The following TBXAS1 variants were observed in gnomAD, a reference collection of about 807,000 sequenced individuals.
TBXAS1 encodes the protein thromboxane-A synthase.
Under a neutral mutation model 60.7 loss-of-function variants are expected in TBXAS1, and 48 were observed. The observed-to-expected ratio is 0.79, with a 90% CI of 0.63 to 1.01. The LOEUF is 1.01. Ranked by LOEUF, TBXAS1 falls within the 50% of genes least tolerant of loss-of-function variation. The pLI is 0.00. For missense variants in TBXAS1, 685 were observed against 686.3 expected (o/e 1.00, Z 0.02); for synonymous variants, 287 against 269.7 (o/e 1.06, Z -0.63).
chr7:139,792,837 T>C (rs1239178945), intron 4 of TBXAS1, among the ~76,000 whole-genome samples: 29 of 152,220 alleles, frequency 1.9e-4, no homozygotes, highest in Admixed American at 1.9e-3. Flanking sequence ...AATGCACTTT[T>C]AAAGTCATAA....
At position 139,872,476 on chromosome 7, in the gene TBXAS1, G is replaced by A. The variant is rs573983110; in HGVS notation, c.183+148G>A. 60 of 710,194 alleles carry A rather than the reference G, an allele frequency of 8.4e-5. 1 individual carries two copies. The highest frequency in any genetic ancestry group is 4.6e-4 in the South Asian group (33 of 71,072). 44.0% of individuals were successfully genotyped at this position (710,194 alleles called of 1,614,324 possible). A position where few individuals can be genotyped will look rare whatever the true frequency, so the allele number is the denominator to read the frequency against. Reference sequence around the variant, plus strand: ...TCGAGACCAGCCTGACCAACATGGTGAAACCCCGTCTCTACTAAATACAAA... The same window carrying A: ...TCGAGACCAGCCTGACCAACATGGTAAAACCCCGTCTCTACTAAATACAAA... On this transcript the variant is annotated intron_variant, in intron 2 of 12. Coordinates refer to ENST00000448866, the MANE Select transcript of TBXAS1 (RefSeq NM_001061.7).
chr7:139,812,594 A>G (rs1413294718), intron 4 of TBXAS1, among the ~76,000 whole-genome samples: 2 of 152,236 alleles, frequency 1.3e-5, no homozygotes, highest in African/African-American at 4.8e-5. Flanking sequence ...ACCAGTATCA[A>G]AATGAGTTGA....
intron 1 of TBXAS1, among the ~76,000 whole-genome samples, chr7:139,848,575 G>T (rs1240340118): frequency 6.6e-6 from 1 of 152,212 alleles, no homozygotes; most frequent in Non-Finnish European, 1.5e-5. Flanking sequence ...GTGGGGTTTA[G>T]ATCTGCTCCA....
chr7:139,872,635 C>T (rs1035301686), intron 2 of TBXAS1, among the ~76,000 whole-genome samples: 2 of 152,032 alleles, frequency 1.3e-5, no homozygotes, highest in African/African-American at 4.8e-5. Context: ...GCCTGGGCAA[C>T]AAGAGCAAAA....
chr7:139,927,501 T>C (rs1806985853), intron 4 of TBXAS1, among the ~76,000 whole-genome samples: 1 of 152,130 alleles, frequency 6.6e-6, no homozygotes, highest in Non-Finnish European at 1.5e-5. Flanking sequence ...TGAAAAGTTG[T>C]TGTAGTTATT....
intron 9 of TBXAS1, among the ~76,000 whole-genome samples, chr7:139,998,079 T>C (rs1813421288): frequency 1.3e-5 from 2 of 152,182 alleles, no homozygotes; most frequent in Non-Finnish European, 2.9e-5. Context: ...TGGGTGACTG[T>C]CACAGACATG....
chr7:139,868,651 T>C (rs1801602355), intron 1 of TBXAS1, among the ~76,000 whole-genome samples: 1 of 135,400 alleles, frequency 7.4e-6, no homozygotes, highest in Non-Finnish European at 1.6e-5. Flanking sequence ...ACCTGGCTAA[T>C]ATTTTTTTTT....
intron 9 of TBXAS1, among the ~76,000 whole-genome samples, chr7:139,969,529 C>T (rs921843482): frequency 6.7e-6 from 1 of 148,750 alleles, no homozygotes; most frequent in African/African-American, 2.5e-5. Flanking sequence ...CATCCTTTGT[C>T]ACAGGGAAAG....
chr7:139,946,442 C>A (rs1808721954), intron 5 of TBXAS1, among the ~76,000 whole-genome samples: 1 of 152,180 alleles, frequency 6.6e-6, no homozygotes, highest in African/African-American at 2.4e-5. Flanking sequence ...GATGCTTAGG[C>A]TATAGTCTTT....
Position 139,932,651 on chromosome 7 carries a change from A to G in TBXAS1, c.334-3540A>G, listed in dbSNP as rs554844485. On this transcript the variant is annotated intron_variant, in intron 4 of 12. Transcript: ENST00000448866. Reference sequence around the variant, plus strand: ...TGATCTTCCAAATCTTCTCTTTTCCAGTTAAAAATTCCAAATCTGACAACT... The same window carrying G: ...TGATCTTCCAAATCTTCTCTTTTCCGGTTAAAAATTCCAAATCTGACAACT... Among the ~76,000 whole-genome samples the G allele has an allele frequency of 2.6e-5, 4 of 152,280 alleles. No homozygotes were observed. The East Asian group carries it at 5.8e-4, about 22-fold the overall frequency.
chr7:139,834,206 G>C (rs1368422337), intron 1 of TBXAS1, among the ~76,000 whole-genome samples: 3 of 152,182 alleles, frequency 2.0e-5, no homozygotes, highest in African/African-American at 4.8e-5. Context: ...ACCTGCTTCT[G>C]AATGAGCATT....
At chr7:140,007,571 T>C (rs1448466832) in intron 10 of TBXAS1, among the ~76,000 whole-genome samples, 2 of 152,154 alleles carry the variant, frequency 1.3e-5, no homozygotes, top group Non-Finnish European at 1.5e-5. Flanking sequence ...ATCAGCTGTA[T>C]ATAAAACAGA....
chr7:139,974,519 G>C (rs374054625), intron 9 of TBXAS1, among the ~76,000 whole-genome samples: 2 of 152,096 alleles, frequency 1.3e-5, no homozygotes, highest in African/African-American at 2.4e-5. Context: ...GAGAGCACAC[G>C]GGGCCCCTGA....
chr7:139,905,073 C>CTCTTTCTTTCTCTTTCTCCCTCTCTT (rs1554487252), intron 3 of TBXAS1, among the ~76,000 whole-genome samples: 16 of 102,608 alleles, frequency 1.6e-4, no homozygotes, highest in African/African-American at 7.2e-4. Context: ...CTCTCTCTCT[C>CTCTTTCTTTCTCTTTCTCCCTCTCTT]TCTTTCTCTT....
chr7:139,806,449 G>T (rs1797880763), intron 4 of TBXAS1, among the ~76,000 whole-genome samples: 1 of 150,888 alleles, frequency 6.6e-6, no homozygotes, highest in South Asian at 2.1e-4. Flanking sequence ...TTTTAGTAGA[G>T]ACAGGGTTTT....
chr7:139,874,186 T>C (rs1802041733), intron 2 of TBXAS1, among the ~76,000 whole-genome samples: 1 of 152,214 alleles, frequency 6.6e-6, no homozygotes. Flanking sequence ...ACAGTCTCAA[T>C]GAGGCTTCCT....
intron 8 of TBXAS1, among the ~76,000 whole-genome samples, chr7:139,960,292 A>G (rs2117368191): frequency 6.6e-6 from 1 of 152,316 alleles, no homozygotes; most frequent in Non-Finnish European, 1.5e-5. Flanking sequence ...ACTTGTCATC[A>G]AACTCAGCAT....
chr7:139,972,475 C>T (rs1811274251), intron 9 of TBXAS1, among the ~76,000 whole-genome samples: 1 of 152,168 alleles, frequency 6.6e-6, no homozygotes, highest in Non-Finnish European at 1.5e-5. Flanking sequence ...CTATTGCACA[C>T]ATTATGGGCT....
At chr7:139,935,547 G>A (rs1807684978) in intron 4 of TBXAS1, among the ~76,000 whole-genome samples, 1 of 152,088 alleles carries the variant, frequency 6.6e-6, no homozygotes, top group Non-Finnish European at 1.5e-5. Context: ...GGGGTGGGGG[G>A]CCGAATTCAT....
Sources: gnomAD v4.1 joint callset for allele counts (sites outside exome capture counted in the v4.1 genomes callset) on GRCh38, gnomAD v4.1.1 for gene constraint, MANE v1.5 for transcripts, NCBI Gene and HGNC (gene_info 2026-07-23, HGNC 2026-07-21) for gene names.